Variants in CLASP1 observed in about 807,000 individuals in gnomAD.
CLASP1 encodes CLIP-associating protein 1.
Under a neutral mutation model 192.3 loss-of-function variants are expected in CLASP1, and 38 were observed. The observed-to-expected ratio is 0.20, with a 90% CI of 0.15 to 0.26. The LOEUF is 0.26. Ranked by LOEUF, CLASP1 falls within the 10% of genes least tolerant of loss-of-function variation. The pLI is 1.00. For synonymous variants in CLASP1, 691 were observed against 712.8 expected (o/e 0.97, Z 0.49); for missense variants, 1,433 against 1,932.5 (o/e 0.74, Z 4.85).
intron 2 of CLASP1, among the ~76,000 whole-genome samples, chr2:121,591,705 TGGGCTA>T: frequency 6.6e-6 from 1 of 152,358 alleles, no homozygotes; most frequent in African/African-American, 2.4e-5. Context: ...TGGAGCCGGC[TGGGCTA>T]TCTCTTGTCC....
At chr2:121,478,992 C>A (rs749421712) in intron 8 of CLASP1, among the ~76,000 whole-genome samples, 2,453 of 62,836 alleles carry the variant, frequency 0.039, 74 homozygotes, top group African/African-American at 0.073. Context: ...ACCACACACC[C>A]CACACACACA....
intron 1 of CLASP1, among the ~76,000 whole-genome samples, chr2:121,609,220 G>A (rs1194796842): frequency 6.6e-6 from 1 of 152,188 alleles, no homozygotes; most frequent in Non-Finnish European, 1.5e-5. Context: ...ATTCGTTCAA[G>A]TCTCCCTACT....
Position 121,460,137 on chromosome 2 carries a change from G to A in CLASP1, c.1033-12C>T. The A allele has an allele frequency of 1.2e-6, 2 of 1,600,614 alleles. No homozygotes were observed. The highest frequency in any genetic ancestry group is 1.7e-6 in the Non-Finnish European group (2 of 1,174,256). On this transcript the variant is annotated splice_polypyrimidine_tract_variant and intron_variant, in intron 11 of 39. Coordinates refer to ENST00000263710, the Ensembl canonical transcript of CLASP1. ...CTAATCTTTTTTAGCTAATGGAATA[G>A]AGAAAATTCAGAAAAATAGAAAACA...
intron 35 of CLASP1, 98 bp downstream of exon 36, chr2:121,367,490 C>A: frequency 6.7e-7 from 1 of 1,495,628 alleles, no homozygotes; most frequent in Non-Finnish European, 9.1e-7. Context: ...CCCAGCGTCT[C>A]CATTTACATC....
chr2:121,609,864 C>G (rs150913704), intron 1 of CLASP1, among the ~76,000 whole-genome samples: 3,632 of 152,278 alleles, frequency 0.024, 74 homozygotes, highest in Non-Finnish European at 0.031. Context: ...TCGCTTGAAG[C>G]AGGGAGTCAG....
chr2:121,486,009 C>T (rs1204877964), intron 8 of CLASP1, among the ~76,000 whole-genome samples: 1 of 152,168 alleles, frequency 6.6e-6, no homozygotes, highest in African/African-American at 2.4e-5. Flanking sequence ...GACCTGAAAA[C>T]CAGGCAGGCA....
intron 20 of CLASP1, among the ~76,000 whole-genome samples, chr2:121,429,035 C>T (rs1415736382): frequency 6.6e-6 from 1 of 152,156 alleles, no homozygotes; most frequent in Non-Finnish European, 1.5e-5. Context: ...CACAATACAA[C>T]CTAGGCCACA....
chr2:121,346,629 T>C (rs1327304499), intron 39 of CLASP1, among the ~76,000 whole-genome samples: 1 of 152,216 alleles, frequency 6.6e-6, no homozygotes, highest in Non-Finnish European at 1.5e-5. Context: ...AGGGCTGCCC[T>C]GTAGGCTCAA....
At chr2:121,511,598 A>G (rs2094137284) in intron 7 of CLASP1, among the ~76,000 whole-genome samples, 1 of 152,102 alleles carries the variant, frequency 6.6e-6, no homozygotes, top group Non-Finnish European at 1.5e-5. Flanking sequence ...CAAAAAAAAA[A>G]AAAAGAGAGA....
chr2:121,366,405 T>C (rs1008405221), intron 35 of CLASP1, among the ~76,000 whole-genome samples: 4 of 152,194 alleles, frequency 2.6e-5, no homozygotes, highest in Non-Finnish European at 5.9e-5. Flanking sequence ...AGGCTTTTAA[T>C]CCCTACAGCC....
chr2:121,639,786 G>A (rs961040287), intron 1 of CLASP1, among the ~76,000 whole-genome samples: 1 of 149,438 alleles, frequency 6.7e-6, no homozygotes. Flanking sequence ...TCACTTGAAC[G>A]CAGGAGGCAG....
At chr2:121,403,433 A>G (rs1301559520) in intron 26 of CLASP1, 2 of 456,722 alleles carry the variant, frequency 4.4e-6, no homozygotes, top group South Asian at 1.5e-5. Flanking sequence ...ATAGGAAAAG[A>G]AAGAAGATGA....
intron 23 of CLASP1, among the ~76,000 whole-genome samples, chr2:121,415,151 A>T (rs1010690590): frequency 6.6e-6 from 1 of 152,172 alleles, no homozygotes; most frequent in Non-Finnish European, 1.5e-5. Context: ...TTCCTTGGAG[A>T]GGCAGTTACA....
chr2:121,438,235 A>C (rs1203467027), intron 19 of CLASP1, among the ~76,000 whole-genome samples: 1 of 152,216 alleles, frequency 6.6e-6, no homozygotes, highest in Non-Finnish European at 1.5e-5. Context: ...AACTACTTTA[A>C]TTCATTAGCT....
intron 2 of CLASP1, among the ~76,000 whole-genome samples, chr2:121,556,059 C>T (rs2058536267): frequency 7.8e-6 from 1 of 128,008 alleles, no homozygotes; most frequent in African/African-American, 2.9e-5. Flanking sequence ...TCTCAGCTCA[C>T]TGTCACCTCT....
intron 1 of CLASP1, among the ~76,000 whole-genome samples, chr2:121,626,586 T>G (rs189482845): frequency 1.6e-4 from 25 of 152,242 alleles, no homozygotes; most frequent in Admixed American, 9.2e-4. Context: ...GATTCCTTTT[T>G]TTTTGTTTTG....
At chr2:121,436,502 C>T (rs2082341981) in intron 19 of CLASP1, among the ~76,000 whole-genome samples, 1 of 150,782 alleles carries the variant, frequency 6.6e-6, no homozygotes, top group African/African-American at 2.4e-5. Context: ...TTTCCACCTC[C>T]CAGGTTCAAG....
chr2:121,522,084 C>T (rs574725348), intron 6 of CLASP1, among the ~76,000 whole-genome samples: 30 of 152,290 alleles, frequency 2.0e-4, no homozygotes, highest in Admixed American at 9.2e-4. Context: ...GGCAGAACTT[C>T]CTGGCAGAAG....
chr2:121,420,836 GA>G lies in CLASP1; in HGVS notation c.2213-2108del, dbSNP rs952217202. On this transcript the variant is annotated intron_variant, in intron 22 of 39. Transcript: ENST00000263710. ...TTCATATACATGCTAGAACAACGGG[GA>G]AAAAAATGCTCTTTTTCGTCTGAGT... Among the ~76,000 whole-genome samples, 7 of 151,998 alleles carry G rather than the reference GA, an allele frequency of 4.6e-5. No homozygotes were observed. The South Asian group carries it at 1.0e-3, about 22-fold the overall frequency.
Sources: allele counts gnomAD v4.1 joint callset (sites outside exome capture counted in the v4.1 genomes callset), GRCh38; gene constraint gnomAD v4.1.1; transcripts MANE v1.5; gene names NCBI Gene and HGNC (gene_info 2026-07-23, HGNC 2026-07-21).